Variants in PLPPR1 observed in about 807,000 individuals in gnomAD.
PLPPR1 encodes the protein phospholipid phosphatase related 1.
In PLPPR1, 10 loss-of-function variants were observed where a neutral mutation model predicts 33.1. The ratio of observed to expected loss-of-function variants is 0.30; its 90% confidence interval spans 0.19 to 0.51. PLPPR1 has a LOEUF of 0.51. PLPPR1 is among the 20% of genes least tolerant of loss of function. The pLI, the probability that PLPPR1 is intolerant of heterozygous loss-of-function variation, is 0.97. For synonymous variants in PLPPR1, 151 were observed against 151.0 expected (o/e 1.00, Z 0.00); for missense variants, 304 against 408.1 (o/e 0.74, Z 2.20).
chr9:101,055,044 C>T (rs1284534774), intron 1 of PLPPR1, among the ~76,000 whole-genome samples: 1 of 152,152 alleles, frequency 6.6e-6, no homozygotes, highest in Non-Finnish European at 1.5e-5. Context: ...GCTCATAGTT[C>T]AGTTCTTAAA....
chr9:101,303,414 G>A (rs1478668659), intron 4 of PLPPR1, among the ~76,000 whole-genome samples: 1 of 152,096 alleles, frequency 6.6e-6, no homozygotes, highest in Non-Finnish European at 1.5e-5. Flanking sequence ...TGATTCTCCT[G>A]TCTCAGCCTC....
chr9:101,068,762 T>C (rs539153272), intron 1 of PLPPR1, among the ~76,000 whole-genome samples: 2 of 152,046 alleles, frequency 1.3e-5, no homozygotes, highest in Non-Finnish European at 2.9e-5. Context: ...AGAGAGTGTT[T>C]GATTCATGTA....
At chr9:101,319,460 G>A (rs1359906001) in intron 7 of PLPPR1, among the ~76,000 whole-genome samples, 3 of 152,076 alleles carry the variant, frequency 2.0e-5, no homozygotes, top group Non-Finnish European at 4.4e-5. Context: ...GGTTTTGAGG[G>A]CGGGGCTTGG....
rs145091559 is a variant in PLPPR1, at chr9:101,087,043, G to A, written c.-46+57941G>A. ...AAAATACAAGATTTAGCTAGGCATG[G>A]TGATGTACACTGTAATCCCAGCTAC... On this transcript the variant is annotated intron_variant, in intron 1 of 7. Transcript: ENST00000374874. Among the ~76,000 whole-genome samples, 13 of 152,108 alleles carry A rather than the reference G, an allele frequency of 8.5e-5. No homozygotes were observed. The East Asian group carries it at 2.1e-3, about 25-fold the overall frequency.
chr9:101,217,355 C>G (rs1381530106), intron 2 of PLPPR1, among the ~76,000 whole-genome samples: 2 of 152,076 alleles, frequency 1.3e-5, no homozygotes, highest in Non-Finnish European at 2.9e-5. Flanking sequence ...ACATATATAC[C>G]AAGGGTTAGC....
At chr9:101,187,136 C>T (rs143418726) in intron 2 of PLPPR1, 194 of 152,000 alleles carry the variant, frequency 1.3e-3, no homozygotes, top group African/African-American at 4.4e-3. Context: ...GTACCTTTTT[C>T]AGTGTTTGCT....
intron 2 of PLPPR1, among the ~76,000 whole-genome samples, chr9:101,201,538 A>G (rs1826492334): frequency 1.3e-5 from 2 of 152,180 alleles, no homozygotes; most frequent in Admixed American, 6.5e-5. Context: ...GTTACTGACC[A>G]TCTCGGACTT....
intron 2 of PLPPR1, among the ~76,000 whole-genome samples, chr9:101,255,463 T>C (rs901836261): frequency 1.3e-5 from 2 of 152,174 alleles, no homozygotes; most frequent in Non-Finnish European, 2.9e-5. Context: ...TTTATATATA[T>C]GATGTTAACT....
chr9:101,280,900 T>C (rs1828285628), intron 3 of PLPPR1, among the ~76,000 whole-genome samples: 1 of 152,000 alleles, frequency 6.6e-6, no homozygotes, highest in Non-Finnish European at 1.5e-5. Flanking sequence ...TTATTCAATA[T>C]AGGACTGGAA....
intron 1 of PLPPR1, among the ~76,000 whole-genome samples, chr9:101,142,958 A>C (rs919305326): frequency 6.6e-6 from 1 of 152,044 alleles, no homozygotes; most frequent in African/African-American, 2.4e-5. Context: ...TGTGAGGTAG[A>C]TGTTCATAAA....
intron 6 of PLPPR1, among the ~76,000 whole-genome samples, chr9:101,316,553 A>G (rs1241849356): frequency 1.3e-5 from 2 of 151,426 alleles, no homozygotes; most frequent in Non-Finnish European, 2.9e-5. Flanking sequence ...AGATTCGAAC[A>G]TGCTGGATGA....
At chr9:101,198,740 A>T (rs1422567378) in intron 2 of PLPPR1, among the ~76,000 whole-genome samples, 1 of 152,162 alleles carries the variant, frequency 6.6e-6, no homozygotes, top group African/African-American at 2.4e-5. Flanking sequence ...GCATAGGCTC[A>T]TGGGAGAAGG....
intron 4 of PLPPR1, among the ~76,000 whole-genome samples, chr9:101,293,070 G>C (rs1828548625): frequency 6.6e-6 from 1 of 151,974 alleles, no homozygotes; most frequent in South Asian, 2.1e-4. Context: ...CTCATGTGCA[G>C]AGACACACAT....
intron 3 of PLPPR1, among the ~76,000 whole-genome samples, chr9:101,276,975 G>C (rs972275731): frequency 6.6e-6 from 1 of 152,222 alleles, no homozygotes; most frequent in African/African-American, 2.4e-5. Context: ...AGTTCTGCAA[G>C]TAAGGGGACA....
intron 1 of PLPPR1, among the ~76,000 whole-genome samples, chr9:101,134,043 A>G (rs2118618486): frequency 6.6e-6 from 1 of 152,354 alleles, no homozygotes; most frequent in East Asian, 1.9e-4. Context: ...AAATATTTGA[A>G]TTACTAATAT....
intron 2 of PLPPR1, among the ~76,000 whole-genome samples, chr9:101,199,829 T>C (rs375440370): frequency 6.6e-6 from 1 of 152,206 alleles, no homozygotes; most frequent in African/African-American, 2.4e-5. Flanking sequence ...TTTGGAGTGA[T>C]TGGAGTTCTT....
chr9:101,061,046 T>A (rs1351219571), intron 1 of PLPPR1, among the ~76,000 whole-genome samples: 1 of 151,936 alleles, frequency 6.6e-6, no homozygotes, highest in Non-Finnish European at 1.5e-5. Context: ...TCCAAAGGAC[T>A]GTGGAGGAAG....
At chr9:101,188,628 C>T (rs778754425) in intron 2 of PLPPR1, among the ~76,000 whole-genome samples, 27 of 151,930 alleles carry the variant, frequency 1.8e-4, no homozygotes, top group African/African-American at 5.3e-4. Context: ...TATGAATAAA[C>T]GTGGATTTTT....
intron 1 of PLPPR1, chr9:101,184,939 G>C (rs1387806521): frequency 6.6e-6 from 1 of 152,078 alleles, no homozygotes; most frequent in Non-Finnish European, 1.5e-5. Context: ...GTATTCAAGA[G>C]AGCAAGGACA....
Sources: allele counts gnomAD v4.1 joint callset (sites outside exome capture counted in the v4.1 genomes callset), GRCh38; gene constraint gnomAD v4.1.1; transcripts MANE v1.5; gene names NCBI Gene and HGNC (gene_info 2026-07-23, HGNC 2026-07-21).